The following SH2D4A variants were observed in gnomAD, a reference collection of about 807,000 sequenced individuals.
SH2D4A encodes the protein SH2 domain-containing protein 4A.
In SH2D4A, 70 loss-of-function variants were observed where a neutral mutation model predicts 64.7. The ratio of observed to expected loss-of-function variants is 1.08; its 90% CI spans 0.89 to 1.32. The LOEUF (loss-of-function observed/expected upper bound fraction) is 1.32. SH2D4A is among the 40% of genes most tolerant of loss of function. The probability of loss-of-function intolerance (pLI) is 0.00; values close to 1 mark genes in which losing one functional copy is unlikely to be tolerated. For missense variants in SH2D4A, 706 were observed against 540.1 expected, an observed-to-expected ratio of 1.31 and a Z score of -3.04; for synonymous variants, 268 against 200.7, an observed-to-expected ratio of 1.34 and a Z score of -2.83.
At chr8:19,394,414 T>C in intron 9 of SH2D4A, 136 bp from the exon 10 acceptor site, 1 of 559,988 alleles carries the variant, frequency 1.8e-6, no homozygotes, top group South Asian at 3.1e-5. Context: ...ATAAGAAAAA[T>C]GCCTTTTAAG....
intron 4 of SH2D4A, among the ~76,000 whole-genome samples, chr8:19,341,281 G>A (rs763553116): frequency 2.6e-5 from 4 of 152,062 alleles, no homozygotes; most frequent in South Asian, 2.1e-4. Context: ...CTGAATTTCC[G>A]CTACAGTTTA....
At chr8:19,335,144 T>C (rs868125991) in intron 4 of SH2D4A, among the ~76,000 whole-genome samples, 10 of 151,726 alleles carry the variant, frequency 6.6e-5, no homozygotes, top group South Asian at 2.1e-4. Flanking sequence ...AAAAATTAGC[T>C]GGGCGTGGTG....
chr8:19,390,949 T>C (rs1054929262), intron 8 of SH2D4A, among the ~76,000 whole-genome samples: 1 of 152,230 alleles, frequency 6.6e-6, no homozygotes, highest in African/African-American at 2.4e-5. Context: ...ATCTGGATAA[T>C]TTCCAGATGT....
At chr8:19,334,884 C>T (rs767319937) in intron 4 of SH2D4A, 27 bp downstream of exon 4, 136 of 1,565,456 alleles carry the variant, frequency 8.7e-5, no homozygotes, top group South Asian at 1.8e-4. Context: ...TGTAGACGTG[C>T]GGAATTTCAT....
intron 2 of SH2D4A, among the ~76,000 whole-genome samples, chr8:19,328,241 A>G (rs576140447): frequency 1.3e-5 from 2 of 152,256 alleles, no homozygotes; most frequent in East Asian, 1.9e-4. Context: ...CCAAGTCTAC[A>G]TGGCTAATCT....
At chr8:19,367,518 C>T (rs1183484559) in intron 7 of SH2D4A, among the ~76,000 whole-genome samples, 3 of 152,058 alleles carry the variant, frequency 2.0e-5, no homozygotes, top group African/African-American at 7.2e-5. Context: ...TTTCGTACAC[C>T]TGTTGGTCAT....
chr8:19,325,251 A>G (rs986520497), intron 2 of SH2D4A, among the ~76,000 whole-genome samples: 1 of 152,180 alleles, frequency 6.6e-6, no homozygotes, highest in African/African-American at 2.4e-5. Context: ...CCCATTCCAT[A>G]GAGATTTCCC....
At chr8:19,358,495 A>G (rs2052828892) in intron 5 of SH2D4A, among the ~76,000 whole-genome samples, 2 of 152,190 alleles carry the variant, frequency 1.3e-5, no homozygotes, top group South Asian at 4.1e-4. Flanking sequence ...GGAAGGCAGT[A>G]TTGGAGCAGA....
chr8:19,380,967 T>C (rs1464857092), intron 8 of SH2D4A, among the ~76,000 whole-genome samples: 1 of 152,200 alleles, frequency 6.6e-6, no homozygotes, highest in Non-Finnish European at 1.5e-5. Flanking sequence ...ATAGTATTGT[T>C]GTCTTAAGTC....
chr8:19,317,724 G>C (rs1006891550), intron 1 of SH2D4A, among the ~76,000 whole-genome samples: 1 of 152,150 alleles, frequency 6.6e-6, no homozygotes, highest in Admixed American at 6.5e-5. Flanking sequence ...CAATGACAAG[G>C]TGAACGAAGA....
In SH2D4A at chr8:19,393,460, T is replaced by C. The variant is rs2053531179; in HGVS notation, c.1191T>C (p.Asp397=). 3 of 1,614,234 alleles carry C rather than the reference T, an allele frequency of 1.9e-6. No individual in the cohort carries two copies. The East Asian group carries it at 6.7e-5, about 36-fold the overall frequency. ...ACGGCTGTAAACATTTCCTCATCGA[T>C]GCCTCTGCAGACGCCTACAGCTTCC... ...SEDGCKHFLI[D]ASADAYSFLG... The change falls in exon 9 of 10, where the codon GAT becomes GAC. Residue 397 remains aspartate (D), a synonymous_variant. Coordinates refer to ENST00000265807, the MANE Select transcript of SH2D4A (RefSeq NM_022071.4).
chr8:19,340,171 G>T (rs897391322), intron 4 of SH2D4A, among the ~76,000 whole-genome samples: 3 of 152,094 alleles, frequency 2.0e-5, no homozygotes, highest in African/African-American at 4.8e-5. Context: ...AGGGAAAGTG[G>T]GCTTTGGAGG....
intron 2 of SH2D4A, among the ~76,000 whole-genome samples, chr8:19,323,184 C>T (rs1402673858): frequency 6.6e-6 from 1 of 151,976 alleles, no homozygotes; most frequent in Non-Finnish European, 1.5e-5. Flanking sequence ...CCACAAGCCA[C>T]ATGTGGCTCT....
chr8:19,385,229 A>G (rs1239488812), intron 8 of SH2D4A, among the ~76,000 whole-genome samples: 2 of 134,550 alleles, frequency 1.5e-5, no homozygotes, highest in East Asian at 4.2e-4. Flanking sequence ...TTTTTTTTTG[A>G]GACAGAGTCT....
chr8:19,373,425 T>G, intron 7 of SH2D4A, 105 bp from the exon 8 acceptor site: 3 of 706,010 alleles, frequency 4.2e-6, no homozygotes, highest in Admixed American at 3.9e-5. Context: ...TATATATGCA[T>G]GTATATGTAT....
chr8:19,339,348 T>G (rs147167975), intron 4 of SH2D4A, among the ~76,000 whole-genome samples: 1 of 152,244 alleles, frequency 6.6e-6, no homozygotes, highest in African/African-American at 2.4e-5. Flanking sequence ...CAGACACACC[T>G]AGGAACAATA....
intron 8 of SH2D4A, among the ~76,000 whole-genome samples, chr8:19,391,641 G>A (rs2053494626): frequency 6.6e-6 from 1 of 152,136 alleles, no homozygotes; most frequent in Non-Finnish European, 1.5e-5. Flanking sequence ...GGACACCTGG[G>A]GTCTGTGTTC....
chr8:19,324,738 T>G (rs977563962), intron 2 of SH2D4A, among the ~76,000 whole-genome samples: 1 of 152,172 alleles, frequency 6.6e-6, no homozygotes, highest in African/African-American at 2.4e-5. Flanking sequence ...TGGGGGATCA[T>G]AGACTCCTTT....
intron 4 of SH2D4A, among the ~76,000 whole-genome samples, chr8:19,337,921 A>G (rs1413032593): frequency 6.6e-6 from 1 of 152,172 alleles, no homozygotes; most frequent in African/African-American, 2.4e-5. Context: ...AGAAACACTG[A>G]GAAGAAGGCC....
Sources: allele counts gnomAD v4.1 joint callset (sites outside exome capture counted in the v4.1 genomes callset), GRCh38; gene constraint gnomAD v4.1.1; transcripts MANE v1.5; gene names NCBI Gene and HGNC (gene_info 2026-07-23, HGNC 2026-07-21).